MAN1C1: variants seen among roughly 807,000 people sequenced by gnomAD.
The protein encoded by MAN1C1 is mannosyl-oligosaccharide 1,2-alpha-mannosidase IC.
A neutral mutation model predicts 71.5 loss-of-function variants in MAN1C1; 49 were observed. The ratio of observed to expected loss-of-function variants is 0.69; its 90% confidence interval spans 0.54 to 0.87. The LOEUF (loss-of-function observed/expected upper bound fraction) is 0.87, where lower values mean the gene tolerates loss of function less well. Ranked by LOEUF, MAN1C1 falls within the 40% of genes least tolerant of loss-of-function variation. The probability of loss-of-function intolerance (pLI) is 0.00; values close to 1 mark genes in which losing one functional copy is unlikely to be tolerated. For missense variants in MAN1C1, 743 were observed against 835.0 expected, an observed-to-expected ratio of 0.89 and a Z score of 1.36; for synonymous variants, 352 against 343.7, an observed-to-expected ratio of 1.02 and a Z score of -0.27.
rs1398590157 is a variant in MAN1C1 at position 25,711,574 on chromosome 1, C to T, written c.637+25038C>T. On this transcript the variant is annotated intron_variant, in intron 2 of 11. Transcript: ENST00000374332. This position sits in a 1 kb window ranked among gnomAD's most constrained non-coding sequence, Gnocchi z 4.3. ...TGATCAAAAGGACAGAACTAAAGGA[C>T]ATATTTTTATTGAAGCACTCATTCT... Among the ~76,000 whole-genome samples, 1 of 152,204 alleles carries T rather than the reference C, an allele frequency of 6.6e-6. No homozygotes were observed. The highest frequency in any genetic ancestry group is 1.5e-5 in the Non-Finnish European group (1 of 68,042).
chr1:25,703,753 A>G (rs1474029244), intron 2 of MAN1C1, among the ~76,000 whole-genome samples: 2 of 152,234 alleles, frequency 1.3e-5, no homozygotes, highest in African/African-American at 2.4e-5. Context: ...TCCTCTGGCC[A>G]TGTGATGCCT....
At position 25,625,995 on chromosome 1, in the gene MAN1C1, G is replaced by A. The variant is rs570063647; in HGVS notation, c.540+7658G>A. ...TGATTATACCCCAATTTGTTTATTC[G>A]TTCACCTGTTGGCCTTTTGAGTTGT... On this transcript the variant is annotated intron_variant, in intron 1 of 11. Coordinates refer to ENST00000374332, the MANE Select transcript of MAN1C1 (RefSeq NM_020379.4). 5.9e-5 allele frequency among the ~76,000 whole-genome samples: 9 copies of A among 152,098 alleles called. 1 individual carries two copies. The highest frequency in any genetic ancestry group is 2.0e-4 in the Admixed American group (3 of 15,282).
In MAN1C1 at chr1:25,618,212, G is replaced by A; in HGVS notation, c.415G>A (p.Val139Ile). Reference protein sequence around the residue: ...IPASRPGDEGVPFRFDFNAFR... With the variant: ...IPASRPGDEGIPFRFDFNAFR... ...GGCCTCCAGGCCCGGGGACGAGGGC[G>A]TCCCTTTCCGCTTTGACTTCAACGC... Residue 139 changes from valine (V) to isoleucine (I), a missense_variant, in exon 1 of 12, where the codon GTC (valine) becomes ATC (isoleucine). Coordinates refer to ENST00000374332, the MANE Select transcript of MAN1C1 (RefSeq NM_020379.4). 1.9e-6 allele frequency: 3 copies of A among 1,593,854 alleles called. No homozygotes were observed. Among genetic ancestry groups the A allele is most frequent in the Non-Finnish European group, 8.5e-7 (1 of 1,173,546 alleles).
At chr1:25,755,651 A>G (rs1287969019) in intron 5 of MAN1C1, among the ~76,000 whole-genome samples, 1 of 152,236 alleles carries the variant, frequency 6.6e-6, no homozygotes, top group Non-Finnish European at 1.5e-5. Flanking sequence ...ACTGAGGCTC[A>G]GAGAGGTGAG....
rs1393472155 is a variant in MAN1C1, at chr1:25,778,176, T to A, written c.1329T>A (p.Ile443=). 12 of 1,611,678 alleles carry A rather than the reference T, an allele frequency of 7.4e-6. No individual in the cohort carries two copies. The highest frequency in any genetic ancestry group is 9.3e-6 in the Non-Finnish European group (11 of 1,178,646). Residue 443 remains isoleucine (I), a synonymous_variant, in exon 9 of 12, where the codon ATT becomes ATA. Coordinates refer to ENST00000374332, the MANE Select transcript of MAN1C1 (RefSeq NM_020379.4). This position sits in a 1 kb window ranked among gnomAD's most constrained non-coding sequence, Gnocchi z 5.5. ...ACATTGCCGAGTGGCGAGGGGGGAT[T>A]CTGGACCACAAGATGGGGCACCTGG... ...LTYIAEWRGG[I]LDHKMGHLAC...
chr1:25,643,586 T>TTTATTATTA lies in MAN1C1; in HGVS notation c.540+25270_540+25278dup, dbSNP rs376041844. On this transcript the variant is annotated intron_variant, in intron 1 of 11. Transcript: ENST00000374332. The stretch of plus-strand genomic sequence containing the variant: ...ACGCCTGGCCTTTTATATATATATA[T>TTTATTATTA]TTATTATTATTATTATTATTATTAT... 2.6e-3 allele frequency among the ~76,000 whole-genome samples: 363 copies of TTTATTATTA among 139,854 alleles called. 4 individuals carry two copies. Among genetic ancestry groups the TTTATTATTA allele is most frequent in the African/African-American group, 9.4e-3 (339 of 35,982 alleles). The allele number at this position is 139,854 out of a possible 152,430, so 91.7% of individuals were successfully genotyped here.
chr1:25,763,048 A>G (rs1572202873), intron 6 of MAN1C1, among the ~76,000 whole-genome samples: 1 of 152,166 alleles, frequency 6.6e-6, no homozygotes, highest in East Asian at 2.0e-4. Flanking sequence ...CTGGTGGATC[A>G]CTTGAGGTCA....
chr1:25,668,436 C>T (rs2045952160), intron 1 of MAN1C1, among the ~76,000 whole-genome samples: 1 of 152,104 alleles, frequency 6.6e-6, no homozygotes, highest in Non-Finnish European at 1.5e-5. Context: ...ATAGTAGATG[C>T]TCAGTAAATA....
intron 1 of MAN1C1, among the ~76,000 whole-genome samples, chr1:25,650,722 A>T (rs368201129): frequency 5.9e-5 from 9 of 152,136 alleles, no homozygotes; most frequent in African/African-American, 2.2e-4. Flanking sequence ...AAATCTACCA[A>T]ACTTGGATGT....
chr1:25,737,155 A>G (rs1217578420), intron 2 of MAN1C1, among the ~76,000 whole-genome samples: 1 of 152,260 alleles, frequency 6.6e-6, no homozygotes, highest in Non-Finnish European at 1.5e-5. Flanking sequence ...CAGCACCCTC[A>G]GCTCTTATTT....
At chr1:25,669,403 A>G (rs865986674) in intron 1 of MAN1C1, among the ~76,000 whole-genome samples, 2 of 152,204 alleles carry the variant, frequency 1.3e-5, no homozygotes, top group Non-Finnish European at 1.5e-5. Flanking sequence ...GGGAGTAGCA[A>G]TGGAAGATTA....
Position 25,699,395 on chromosome 1 carries a change from G to C in MAN1C1, c.637+12859G>C, listed in dbSNP as rs182971754. 1.5e-3 allele frequency among the ~76,000 whole-genome samples: 231 copies of C among 152,252 alleles called. 1 individual carries two copies. The highest frequency in any genetic ancestry group is 5.7e-4 in the Non-Finnish European group (39 of 68,016). ...GGGCAAAGTCCTAGATGGGAGATGT[G>C]GCAAGACCTCGGCCCCTTGGGGTCT... On this transcript the variant is annotated intron_variant, in intron 2 of 11. Transcript: ENST00000374332.
intron 2 of MAN1C1, among the ~76,000 whole-genome samples, chr1:25,714,886 C>G (rs1299251380): frequency 6.6e-6 from 1 of 152,118 alleles, no homozygotes; most frequent in Non-Finnish European, 1.5e-5. Context: ...GACATTGACC[C>G]TCAAGGTCAA....
rs748511550 is a variant in MAN1C1, at chr1:25,712,043, A to C, written c.637+25507A>C. Among the ~76,000 whole-genome samples the C allele has an allele frequency of 9.9e-4, 150 of 152,276 alleles. 1 individual carries two copies. Among genetic ancestry groups the C allele is most frequent in the Non-Finnish European group, 2.0e-3 (138 of 68,018 alleles). On this transcript the variant is annotated intron_variant, in intron 2 of 11. Transcript: ENST00000374332. ...ACCAGCTAAGCTGGGTGAGTTTAGG[A>C]AAGTCCAGCAGGGCCACCTACTTAT...
chr1:25,676,854 AC>A (rs921870610), intron 1 of MAN1C1, among the ~76,000 whole-genome samples: 5 of 151,824 alleles, frequency 3.3e-5, no homozygotes, highest in African/African-American at 1.2e-4. Flanking sequence ...TTCAATGCTC[AC>A]CCCCTTCCTT....
chr1:25,643,291 G>A (rs143439966), intron 1 of MAN1C1, among the ~76,000 whole-genome samples: 13 of 151,366 alleles, frequency 8.6e-5, no homozygotes, highest in African/African-American at 2.4e-4. Flanking sequence ...TTTCATTCTT[G>A]TCACCCAGGC....
chr1:25,620,576 G>A (rs866880387), intron 1 of MAN1C1, among the ~76,000 whole-genome samples: 1 of 152,200 alleles, frequency 6.6e-6, no homozygotes, highest in Non-Finnish European at 1.5e-5. Context: ...GTCATGCCCA[G>A]GGGTAGATCA....
intron 1 of MAN1C1, among the ~76,000 whole-genome samples, chr1:25,660,396 CT>C (rs1178878513): frequency 5.5e-3 from 541 of 97,618 alleles, no homozygotes; most frequent in Middle Eastern, 0.01. Context: ...AGTGAAATTC[CT>C]TTTTTTTTTT....
chr1:25,778,777 C>T lies in MAN1C1; in HGVS notation c.1477+453C>T, dbSNP rs777663105. 1.3e-4 allele frequency among the ~76,000 whole-genome samples: 20 copies of T among 152,282 alleles called. No homozygotes were observed. The highest frequency in any genetic ancestry group is 2.8e-4 in the Non-Finnish European group (19 of 68,020). ...GGCACCCTCCTTAGAGGGGGTTTCA[C>T]CGCCTCCTGCTCCCACCTGTTTAGT... is the stretch of plus-strand genomic sequence containing the variant. On this transcript the variant is annotated intron_variant, in intron 9 of 11. Coordinates refer to ENST00000374332, the MANE Select transcript of MAN1C1 (RefSeq NM_020379.4). The surrounding 1 kb of genome is among the most constrained non-coding windows in gnomAD (Gnocchi z 5.5).
Sources: gnomAD v4.1 joint callset for allele counts (sites outside exome capture counted in the v4.1 genomes callset) on GRCh38, gnomAD v4.1.1 for gene constraint, Gnocchi (gnomAD v3.1) non-coding constraint, MANE v1.5 for transcripts, NCBI Gene and HGNC (gene_info 2026-07-23, HGNC 2026-07-21) for gene names.